Variants in NKIRAS1 observed in about 807,000 individuals in gnomAD.
NKIRAS1 encodes NFKB inhibitor interacting Ras like 1.
In NKIRAS1, 16 loss-of-function variants were observed where a neutral mutation model predicts 19.8. That is an observed-to-expected ratio of 0.81 (90% CI 0.55 to 1.23). The LOEUF (loss-of-function observed/expected upper bound fraction) is 1.23, where lower values mean the gene tolerates loss of function less well. Among genes scored for constraint, NKIRAS1 ranks in the 50% most tolerant of loss-of-function variants. NKIRAS1 has a pLI of 0.00. For missense variants in NKIRAS1, 184 were observed against 220.0 expected, an observed-to-expected ratio of 0.84 and a Z score of 1.04; for synonymous variants, 88 against 79.0, an observed-to-expected ratio of 1.11 and a Z score of -0.61.
intron 1 of NKIRAS1, chr3:23,946,087 T>G: frequency 2.4e-5 from 24 of 983,146 alleles, no homozygotes; most frequent in Non-Finnish European, 2.9e-5. Flanking sequence ...CTCCGCCCCT[T>G]TGGAAGCCTC....
At position 23,901,001 on chromosome 3, in the gene NKIRAS1, TC is replaced by T. The variant is rs777650895; in HGVS notation, c.142del (p.Glu48LysfsTer6). 2 of 1,614,190 alleles carry T rather than the reference TC, an allele frequency of 1.2e-6. No individual in the cohort carries two copies. The highest frequency in any genetic ancestry group is 2.2e-5 in the South Asian group (2 of 91,086). ...CTGTTCTTTTACTCCTCGGTCTGTT[TC>T]TACTGAAGCCATGTATACATCTTCC... ...TMEDVYMASV[E>X]TDRGVKEQLH... On this transcript the variant is annotated frameshift_variant, in exon 4 of 5. Transcript: ENST00000425478. LOFTEE classifies it high-confidence loss of function.
At chr3:23,921,745 T>A, upstream of NKIRAS1, 2 of 612,772 alleles carry the variant, frequency 3.3e-6, no homozygotes, top group Non-Finnish European at 5.8e-6. Flanking sequence ...CAGCTAAGTT[T>A]TGTATTTTTA....
chr3:23,919,596 G>C (rs1704957555), upstream of NKIRAS1: 4 of 1,425,244 alleles, frequency 2.8e-6, no homozygotes, highest in Admixed American at 8.7e-5. Context: ...CTAGTCTGCA[G>C]ATGTTTCTTG....
intron 1 of NKIRAS1, among the ~76,000 whole-genome samples, chr3:23,934,436 T>C (rs1354131892): frequency 6.6e-6 from 1 of 152,208 alleles, no homozygotes; most frequent in Non-Finnish European, 1.5e-5. Flanking sequence ...GGAATTTGAA[T>C]GATTAAACTG....
chr3:23,906,457 TAAAC>T (rs1703073111), intron 3 of NKIRAS1, among the ~76,000 whole-genome samples: 1 of 152,152 alleles, frequency 6.6e-6, no homozygotes, highest in Non-Finnish European at 1.5e-5. Flanking sequence ...CACTGACCCT[TAAAC>T]AACACAGATT....
intron 1 of NKIRAS1, among the ~76,000 whole-genome samples, chr3:23,941,865 G>A (rs780167718): frequency 2.6e-5 from 4 of 151,990 alleles, no homozygotes; most frequent in Admixed American, 1.3e-4. Flanking sequence ...TCGAAGAGAG[G>A]GTCTTAAAGA....
At chr3:23,944,126 C>T (rs1026161795) in intron 1 of NKIRAS1, among the ~76,000 whole-genome samples, 1 of 152,138 alleles carries the variant, frequency 6.6e-6, no homozygotes, top group Admixed American at 6.6e-5. Context: ...GGTAGAATAG[C>T]TCAGACTTGC....
In NKIRAS1 at chr3:23,890,829, T is replaced by C; in HGVS notation, c.*2266A>G. ...TAAAATTGTCATTAGTTCTGCAATA[T>C]TAGCTGAAATGTAGTACAGAAAAGA... On this transcript the variant is annotated 3_prime_UTR_variant, in exon 5 of 5. Coordinates refer to ENST00000425478, the MANE Select transcript of NKIRAS1 (RefSeq NM_020345.4). 1 of 412,152 alleles carries C rather than the reference T, an allele frequency of 2.4e-6. No homozygotes were observed. Among genetic ancestry groups the C allele is most frequent in the Non-Finnish European group, 4.3e-6 (1 of 233,084 alleles). 25.5% of individuals were successfully genotyped at this position (412,152 alleles called of 1,614,324 possible).
At position 23,901,051 on chromosome 3, in the gene NKIRAS1, T is replaced by C. The variant is rs756115419; in HGVS notation, c.95-2A>G. The C allele has an allele frequency of 1.1e-5, 17 of 1,612,442 alleles. No homozygotes were observed. Among genetic ancestry groups the C allele is most frequent in the Admixed American group, 8.3e-5 (5 of 59,902 alleles). ...CCATTGTTTCGCAATCTTCCATTCC[T>C]GGGATTAAGAAAACAAATTACTCTT... On this transcript the variant is annotated splice_acceptor_variant, in intron 3 of 4. Coordinates refer to ENST00000425478, the MANE Select transcript of NKIRAS1 (RefSeq NM_020345.4). LOFTEE classifies it high-confidence loss of function.
rs66482461 is a variant in NKIRAS1, at chr3:23,928,100, C to CCACACACACACACACACA, written c.-139-16668_-139-16651dup. On this transcript the variant is annotated intron_variant, in intron 1 of 4. Transcript: ENST00000421515. ...TCTCTCTCCTCTCTCTCTCTACACA[C>CCACACACACACACACACA]CACACACACACACACACACACACAC... Among the ~76,000 whole-genome samples, 193 of 146,188 alleles carry CCACACACACACACACACA rather than the reference C, an allele frequency of 1.3e-3. 2 individuals carry two copies. The East Asian group carries it at 0.03, about 23-fold the overall frequency.
chr3:23,946,455 T>G (rs6770052), exon 1 of NKIRAS1: 28,868 of 253,624 alleles, frequency 0.11, 2,591 homozygotes, highest in African/African-American at 0.27. Flanking sequence ...CCCGAGCGAC[T>G]CCCCGCAGAC....
chr3:23,929,010 AAAAG>A (rs1485255291), intron 1 of NKIRAS1, among the ~76,000 whole-genome samples: 2,352 of 89,476 alleles, frequency 0.026, 32 homozygotes, highest in African/African-American at 0.046. Context: ...AAAAAAAAAA[AAAAG>A]AAAAGAAAAG....
At chr3:23,894,145 C>T (rs1701737201) in intron 4 of NKIRAS1, among the ~76,000 whole-genome samples, 1 of 152,140 alleles carries the variant, frequency 6.6e-6, no homozygotes, top group African/African-American at 2.4e-5. Flanking sequence ...ACATTTTACA[C>T]GAATGCTTAC....
upstream of NKIRAS1, chr3:23,918,062 A>G (rs1426472206): frequency 5.7e-6 from 9 of 1,586,688 alleles, no homozygotes; most frequent in Non-Finnish European, 8.6e-7. Flanking sequence ...ATGCTTGGAT[A>G]AAATTATATT....
intron 3 of NKIRAS1, among the ~76,000 whole-genome samples, chr3:23,909,749 A>G (rs36029208): frequency 0.015 from 2,221 of 152,306 alleles, 28 homozygotes; most frequent in Non-Finnish European, 0.02. Context: ...GCGAATGAAT[A>G]AATGAATGAG....
upstream of NKIRAS1, chr3:23,921,624 G>A (rs1454063478): frequency 2.9e-6 from 2 of 684,502 alleles, no homozygotes; most frequent in Non-Finnish European, 5.3e-6. Flanking sequence ...ACTCAGGTGG[G>A]AGTGCAGTGG....
chr3:23,929,733 C>T (rs890254745), intron 1 of NKIRAS1, among the ~76,000 whole-genome samples: 3 of 152,140 alleles, frequency 2.0e-5, no homozygotes, highest in Non-Finnish European at 4.4e-5. Flanking sequence ...TGAGCCCCTG[C>T]ACCCAACCTC....
intron 3 of NKIRAS1, 93 bp downstream of exon 3, chr3:23,910,718 T>C (rs1010188313): frequency 1.3e-5 from 11 of 849,212 alleles, no homozygotes; most frequent in Admixed American, 2.0e-5. Flanking sequence ...CTCCCCTTTA[T>C]GTACCATCAA....
At chr3:23,928,113 CACACACACACACACAT>C (rs1172273235) in intron 1 of NKIRAS1, among the ~76,000 whole-genome samples, 2 of 150,986 alleles carry the variant, frequency 1.3e-5, no homozygotes, top group East Asian at 1.9e-4. Flanking sequence ...CACACACACA[CACACACACACACACAT>C]ACACACACAC....
Sources: allele counts gnomAD v4.1 joint callset (sites outside exome capture counted in the v4.1 genomes callset), GRCh38; gene constraint gnomAD v4.1.1; transcripts MANE v1.5; gene names NCBI Gene and HGNC (gene_info 2026-07-23, HGNC 2026-07-21).